CNTN5: variants seen among roughly 807,000 people sequenced by gnomAD.
The protein encoded by CNTN5 is contactin-5.
Under a neutral mutation model 129.1 loss-of-function variants are expected in CNTN5, and 77 were observed. The observed-to-expected ratio is 0.60, with a 90% CI of 0.50 to 0.72. CNTN5 has a LOEUF of 0.72. Ranked by LOEUF, CNTN5 falls within the 30% of genes least tolerant of loss-of-function variation. The pLI, the probability that CNTN5 is intolerant of heterozygous loss-of-function variation, is 0.00. For synonymous variants in CNTN5, 509 were observed against 465.6 expected, an observed-to-expected ratio of 1.09 and a Z score of -1.20; for missense variants, 1,478 against 1,328.8, an observed-to-expected ratio of 1.11 and a Z score of -1.75.
At chr11:99,863,428 T>C (rs1228787239) in intron 6 of CNTN5, among the ~76,000 whole-genome samples, 1 of 151,890 alleles carries the variant, frequency 6.6e-6, no homozygotes, top group East Asian at 1.9e-4. Flanking sequence ...TGTCAATTAA[T>C]AGAGCACGGT....
At chr11:99,532,762 T>C (rs1947760661) in intron 2 of CNTN5, among the ~76,000 whole-genome samples, 1 of 152,192 alleles carries the variant, frequency 6.6e-6, no homozygotes, top group Admixed American at 6.5e-5. Flanking sequence ...TCTGCCATGA[T>C]TATAAGACCT....
At chr11:99,949,912 T>C (rs1189059718) in intron 7 of CNTN5, among the ~76,000 whole-genome samples, 1 of 152,200 alleles carries the variant, frequency 6.6e-6, no homozygotes, top group Non-Finnish European at 1.5e-5. Flanking sequence ...TATGTTTTTC[T>C]AAAGGTGTTT....
At chr11:99,376,003 C>T (rs1940156497) in intron 2 of CNTN5, among the ~76,000 whole-genome samples, 1 of 152,076 alleles carries the variant, frequency 6.6e-6, no homozygotes, top group African/African-American at 2.4e-5. Context: ...AAAAAAATAA[C>T]AATGACCCAT....
At chr11:99,175,315 G>A (rs1232336499) in intron 1 of CNTN5, among the ~76,000 whole-genome samples, 3 of 152,164 alleles carry the variant, frequency 2.0e-5, no homozygotes, top group Non-Finnish European at 4.4e-5. Flanking sequence ...AAACTGTCAT[G>A]TGGAAGAAAG....
chr11:99,588,924 T>A (rs1015807586), intron 3 of CNTN5, among the ~76,000 whole-genome samples: 1 of 152,206 alleles, frequency 6.6e-6, no homozygotes, highest in Non-Finnish European at 1.5e-5. Flanking sequence ...GGAAAAGTAA[T>A]TAATTATATG....
chr11:99,693,939 A>T lies in CNTN5; in HGVS notation c.56-125605A>T, dbSNP rs659505. Among the ~76,000 whole-genome samples the T allele has an allele frequency of 1.8e-4, 28 of 151,948 alleles. No individual in the cohort carries two copies. In the South Asian group the frequency reaches 4.8e-3, roughly 26 times the overall value. ...AGATGCCTAAAAGGCCTTTTGAGTG[A>T]GAGGAAGTCTGAGCTGATACATAAT... On this transcript the variant is annotated intron_variant, in intron 3 of 24. Transcript: ENST00000524871.
In CNTN5 at chr11:99,066,734, C is replaced by A. The variant is rs191730907; in HGVS notation, c.-210+45464C>A. Among the ~76,000 whole-genome samples the A allele has an allele frequency of 7.1e-4, 108 of 152,250 alleles. 1 individual carries two copies. Among genetic ancestry groups the A allele is most frequent in the African/African-American group, 2.6e-3 (108 of 41,566 alleles). On this transcript the variant is annotated intron_variant, in intron 1 of 24. Transcript: ENST00000524871. The stretch of plus-strand genomic sequence containing the variant: ...AATTGATCAGTGGCCCCAGCTCTTA[C>A]ATTGTGAAATCCAGCACTGCATTTA...
chr11:99,894,451 C>A (rs1949146075), intron 6 of CNTN5, among the ~76,000 whole-genome samples: 1 of 139,702 alleles, frequency 7.2e-6, no homozygotes, highest in East Asian at 2.1e-4. Flanking sequence ...TGTTTACCAC[C>A]TGCAAAAATC....
intron 2 of CNTN5, among the ~76,000 whole-genome samples, chr11:99,428,801 A>G (rs1943246514): frequency 6.6e-6 from 1 of 152,092 alleles, no homozygotes; most frequent in South Asian, 2.1e-4. Context: ...GTCATCATTT[A>G]AAGTTATTTT....
At chr11:99,483,486 G>A (rs559173953) in intron 2 of CNTN5, among the ~76,000 whole-genome samples, 1 of 152,214 alleles carries the variant, frequency 6.6e-6, no homozygotes, top group South Asian at 2.1e-4. Flanking sequence ...TTGTCTCTTA[G>A]TGCACATTCT....
At chr11:99,404,003 C>T (rs1941954641) in intron 2 of CNTN5, among the ~76,000 whole-genome samples, 1 of 152,062 alleles carries the variant, frequency 6.6e-6, no homozygotes, top group Non-Finnish European at 1.5e-5. Flanking sequence ...GTATTTAGCT[C>T]TAAAAATATT....
At chr11:99,878,724 C>T (rs1367509236) in intron 6 of CNTN5, among the ~76,000 whole-genome samples, 3 of 151,920 alleles carry the variant, frequency 2.0e-5, no homozygotes, top group Non-Finnish European at 2.9e-5. Flanking sequence ...GGCGTGGTGG[C>T]GCGTGCCTGT....
chr11:99,366,973 C>T (rs61891989), intron 2 of CNTN5, among the ~76,000 whole-genome samples: 4,353 of 152,072 alleles, frequency 0.029, 84 homozygotes, highest in Middle Eastern at 0.051. Flanking sequence ...TAGGGCTCAT[C>T]GTAAGCTGGG....
chr11:99,397,597 T>C (rs1007624807), intron 2 of CNTN5, among the ~76,000 whole-genome samples: 7 of 152,014 alleles, frequency 4.6e-5, no homozygotes, highest in Admixed American at 2.0e-4. Flanking sequence ...CATTATACTT[T>C]ATTTTGTTGC....
At chr11:100,102,983 A>T (rs1038310024) in intron 13 of CNTN5, among the ~76,000 whole-genome samples, 4 of 152,134 alleles carry the variant, frequency 2.6e-5, no homozygotes, top group African/African-American at 9.7e-5. Context: ...CTTAACTATT[A>T]ACTTATTTCA....
intron 2 of CNTN5, among the ~76,000 whole-genome samples, chr11:99,520,178 A>G (rs1219814724): frequency 3.3e-5 from 5 of 152,124 alleles, no homozygotes; most frequent in African/African-American, 1.2e-4. Context: ...GAATATTTAT[A>G]TTTTGGATTT....
chr11:99,907,577 T>C (rs1044014193), intron 6 of CNTN5, among the ~76,000 whole-genome samples: 2 of 151,714 alleles, frequency 1.3e-5, no homozygotes, highest in African/African-American at 4.8e-5. Context: ...ATTAAAAATA[T>C]TTTTACTTTA....
chr11:99,773,865 A>G (rs1347594629), intron 3 of CNTN5, among the ~76,000 whole-genome samples: 1 of 151,962 alleles, frequency 6.6e-6, no homozygotes, highest in Non-Finnish European at 1.5e-5. Flanking sequence ...TGGACCTTAC[A>G]CCACTGCTCT....
At chr11:99,863,657 A>T (rs1948275662) in intron 6 of CNTN5, among the ~76,000 whole-genome samples, 1 of 152,212 alleles carries the variant, frequency 6.6e-6, no homozygotes, top group Non-Finnish European at 1.5e-5. Flanking sequence ...AATTAGGGAT[A>T]TTCAAATATT....
Sources: gnomAD v4.1 joint callset for allele counts (sites outside exome capture counted in the v4.1 genomes callset) on GRCh38, gnomAD v4.1.1 for gene constraint, MANE v1.5 for transcripts, NCBI Gene and HGNC (gene_info 2026-07-23, HGNC 2026-07-21) for gene names.